The following CAMK2A variants were observed in gnomAD, a reference collection of about 807,000 sequenced individuals.
CAMK2A encodes the protein calcium/calmodulin dependent protein kinase II alpha.
A neutral mutation model predicts 79.2 loss-of-function variants in CAMK2A; 7 were observed. The observed-to-expected ratio is 0.09, with a 90% confidence interval of 0.05 to 0.17. The LOEUF is 0.17. CAMK2A is among the 10% of genes least tolerant of loss of function. CAMK2A has a pLI of 1.00. For synonymous variants in CAMK2A, 242 were observed against 251.7 expected (o/e 0.96, Z 0.36); for missense variants, 214 against 646.4 (o/e 0.33, Z 7.25).
chr5:150,225,275 A>C, intron 17 of CAMK2A, among the ~76,000 whole-genome samples: 1 of 152,232 alleles, frequency 6.6e-6, no homozygotes, highest in African/African-American at 2.4e-5. Context: ...GCCACCTGAC[A>C]TGGTGTCTTT....
At chr5:150,250,862 G>A in intron 9 of CAMK2A, 52 bp from the exon 10 acceptor site, 1 of 1,598,886 alleles carries the variant, frequency 6.3e-7, no homozygotes, top group South Asian at 1.1e-5. Flanking sequence ...GGCCACCCCT[G>A]CGATCCCCCA....
In CAMK2A at chr5:150,267,323, G is replaced by T. The variant is rs373827340; in HGVS notation, c.158-2308C>A. On this transcript the variant is annotated intron_variant, in intron 2 of 18. Coordinates refer to ENST00000671881, the MANE Select transcript of CAMK2A (RefSeq NM_015981.4). ...CAGAACTCAGGCAGGTCAAGGTCAG[G>T]CCTGTCAGAGTGGGAAGGAGGCTTC... Among the ~76,000 whole-genome samples, 12 of 152,304 alleles carry T rather than the reference G, an allele frequency of 7.9e-5. No individual in the cohort carries two copies. In the East Asian group the frequency reaches 2.3e-3, roughly 29 times the overall value.
chr5:150,284,185 C>T lies in CAMK2A; in HGVS notation c.62+5379G>A, dbSNP rs1757329248. On this transcript the variant is annotated intron_variant, in intron 1 of 18. Coordinates refer to ENST00000671881, the MANE Select transcript of CAMK2A (RefSeq NM_015981.4). The surrounding 1 kb of genome is among the most constrained non-coding windows in gnomAD (Gnocchi z 5.3). ...CAGAGAGACAGAGACAGAGTGAGACCAGAGAGATGGAGAGAAGAACACAGA... is the reference window on the plus strand; with the variant it reads ...CAGAGAGACAGAGACAGAGTGAGACTAGAGAGATGGAGAGAAGAACACAGA... Among the ~76,000 whole-genome samples, 1 of 152,010 alleles carries T rather than the reference C, an allele frequency of 6.6e-6. No individual in the cohort carries two copies. Among genetic ancestry groups the T allele is most frequent in the Admixed American group, 6.5e-5 (1 of 15,270 alleles).
chr5:150,285,922 C>T (rs905209848), intron 1 of CAMK2A, among the ~76,000 whole-genome samples: 6 of 152,138 alleles, frequency 3.9e-5, no homozygotes, highest in Non-Finnish European at 7.4e-5. Context: ...GGAAAAGGCT[C>T]GTTTTCCACT....
chr5:150,275,763 A>T (rs373373151), intron 1 of CAMK2A, among the ~76,000 whole-genome samples: 5 of 152,222 alleles, frequency 3.3e-5, no homozygotes, highest in Non-Finnish European at 2.9e-5. Flanking sequence ...TCTTGAACAC[A>T]GGAACTTTAG....
chr5:150,254,445 G>C (rs1422354811), intron 6 of CAMK2A, among the ~76,000 whole-genome samples: 2 of 152,218 alleles, frequency 1.3e-5, no homozygotes, highest in Non-Finnish European at 2.9e-5. Context: ...CACGCAGCTG[G>C]TAAGGGATAG....
At chr5:150,277,319 G>T (rs549841657) in intron 1 of CAMK2A, among the ~76,000 whole-genome samples, 1 of 152,202 alleles carries the variant, frequency 6.6e-6, no homozygotes, top group African/African-American at 2.4e-5. Flanking sequence ...TCTGTCTGTG[G>T]GTGATTCTTT....
intron 1 of CAMK2A, among the ~76,000 whole-genome samples, chr5:150,288,140 T>C (rs1391502837): frequency 6.6e-6 from 1 of 152,066 alleles, no homozygotes; most frequent in Non-Finnish European, 1.5e-5. Flanking sequence ...TACATCATCC[T>C]GTGTGCATGA....
At chr5:150,239,625 G>A (rs1240842460) in intron 14 of CAMK2A, 79 bp downstream of exon 14, 7 of 1,377,482 alleles carry the variant, frequency 5.1e-6, no homozygotes, top group Non-Finnish European at 1.0e-6. Flanking sequence ...CAGGTTCCCA[G>A]TGCAGCCTGC....
At chr5:150,241,025 C>T (rs1755312530) in intron 13 of CAMK2A, among the ~76,000 whole-genome samples, 1 of 152,340 alleles carries the variant, frequency 6.6e-6, no homozygotes, top group South Asian at 2.1e-4. Flanking sequence ...GCCAGGCCCC[C>T]AGGTTATTCT....
Position 150,289,708 on chromosome 5 carries a change from C to A in CAMK2A, c.-83G>T, listed in dbSNP as rs1248984422. On this transcript the variant is annotated 5_prime_UTR_variant, in exon 1 of 19. Coordinates refer to ENST00000671881, the MANE Select transcript of CAMK2A (RefSeq NM_015981.4). ...CTGCTCTGCTCCCGAACCTAGGGAC[C>A]ACTTGCCTGCCCGTGCTGCCGAGTG... 12 of 1,116,106 alleles carry A rather than the reference C, an allele frequency of 1.1e-5. No individual in the cohort carries two copies. Among genetic ancestry groups the A allele is most frequent in the Admixed American group, 3.6e-5 (2 of 55,088 alleles). 69.1% of individuals were successfully genotyped at this position (1,116,106 alleles called of 1,614,324 possible). A position where few individuals can be genotyped will look rare whatever the true frequency, so the allele number is the denominator to read the frequency against.
Position 150,257,678 on chromosome 5 carries a change from C to G in CAMK2A, c.218-61G>C. The G allele has an allele frequency of 2.3e-6, 3 of 1,296,880 alleles. 1 individual carries two copies. The Admixed American group carries it at 5.9e-5, about 26-fold the overall frequency. The allele number at this position is 1,296,880 out of a possible 1,614,324, so 80.3% of individuals were successfully genotyped here. A position where few individuals can be genotyped will look rare whatever the true frequency, so the allele number is the denominator to read the frequency against. ...CACACTGCTGCACAGGCCCGCCCTC[C>G]CTCTCTCCCCTCCCGTGTATATCCA... On this transcript the variant is annotated intron_variant, in intron 3 of 18. Transcript: ENST00000671881.
intron 16 of CAMK2A, among the ~76,000 whole-genome samples, chr5:150,229,608 ACATCACATAGGT>A (rs1283970249): frequency 2.0e-5 from 3 of 152,222 alleles, no homozygotes; most frequent in Non-Finnish European, 4.4e-5. Context: ...AGAGGAGGTG[ACATCACATAGGT>A]GGGAGGGGTT....
chr5:150,225,059 AGAGAGAGAGAGAGAAAGT>A (rs1176990626), intron 17 of CAMK2A, among the ~76,000 whole-genome samples: 1 of 151,318 alleles, frequency 6.6e-6, no homozygotes, highest in Non-Finnish European at 1.5e-5. Context: ...AGAGAGAGAG[AGAGAGAGAGAGAGAAAGT>A]GAGAGAGAGA....
chr5:150,263,727 G>T (rs1756393884), intron 3 of CAMK2A, among the ~76,000 whole-genome samples: 1 of 152,192 alleles, frequency 6.6e-6, no homozygotes. Context: ...AGGACCATAA[G>T]ATCTTACAGT....
At chr5:150,227,542 G>A (rs1340277144) in intron 17 of CAMK2A, among the ~76,000 whole-genome samples, 4 of 152,022 alleles carry the variant, frequency 2.6e-5, no homozygotes, top group East Asian at 3.9e-4. Flanking sequence ...TCTGACCCCC[G>A]GCCTAGGGAA....
At position 150,256,695 on chromosome 5, in the gene CAMK2A, C is replaced by T; in HGVS notation, c.339-50G>A. 1.2e-6 allele frequency: 2 copies of T among 1,609,438 alleles called. No homozygotes were observed. The highest frequency in any genetic ancestry group is 1.7e-6 in the Non-Finnish European group (2 of 1,175,888). The stretch of plus-strand genomic sequence containing the variant: ...CATGGTGGTGTGAGCACAGGCCTCC[C>T]CTGGGAAGCTGACAGCAGGCAAGAG... On this transcript the variant is annotated intron_variant, in intron 5 of 18. Coordinates refer to ENST00000671881, the MANE Select transcript of CAMK2A (RefSeq NM_015981.4). This position sits in a 1 kb window ranked among gnomAD's most constrained non-coding sequence, Gnocchi z 4.6.
chr5:150,224,543 G>T (rs1168223496), intron 17 of CAMK2A, among the ~76,000 whole-genome samples: 1 of 151,922 alleles, frequency 6.6e-6, no homozygotes, highest in Non-Finnish European at 1.5e-5. Context: ...TCAGAAGCAC[G>T]CTACACCCAG....
At chr5:150,267,740 G>A (rs57396263) in intron 2 of CAMK2A, among the ~76,000 whole-genome samples, 47,595 of 151,872 alleles carry the variant, frequency 0.31, 11,072 homozygotes, top group African/African-American at 0.66. Flanking sequence ...TGTTATATAG[G>A]TGGAGAAACT....
Sources: allele counts gnomAD v4.1 joint callset (sites outside exome capture counted in the v4.1 genomes callset), GRCh38; gene constraint gnomAD v4.1.1; non-coding constraint Gnocchi (gnomAD v3.1); transcripts MANE v1.5; gene names NCBI Gene and HGNC (gene_info 2026-07-23, HGNC 2026-07-21).